SNTG1: variants seen among roughly 807,000 people sequenced by gnomAD.
SNTG1 encodes syntrophin gamma 1, also known as gamma-1-syntrophin.
In SNTG1, 39 loss-of-function variants were observed where a neutral mutation model predicts 74.7. The ratio of observed to expected loss-of-function variants is 0.52; its 90% confidence interval spans 0.40 to 0.68. The LOEUF is 0.68. Ranked by LOEUF, SNTG1 falls within the 30% of genes least tolerant of loss-of-function variation. The pLI, the probability that SNTG1 is intolerant of heterozygous loss-of-function variation, is 0.00. For synonymous variants in SNTG1, 254 were observed against 217.1 expected (o/e 1.17, Z -1.49); for missense variants, 685 against 609.5 (o/e 1.12, Z -1.30).
chr8:50,052,330 T>C lies in SNTG1; in HGVS notation c.-102-120231T>C, dbSNP rs529976765. On this transcript the variant is annotated intron_variant, in intron 1 of 18. Coordinates refer to ENST00000642720, the MANE Select transcript of SNTG1 (RefSeq NM_018967.5). ...GTGGCCAAGACAATTCATTAAGTAA[T>C]AGTATTTTTATCCAACGGCACAAGG... Among the ~76,000 whole-genome samples, 22 of 152,212 alleles carry C rather than the reference T, an allele frequency of 1.4e-4. No homozygotes were observed. The East Asian group carries it at 4.2e-3, about 29-fold the overall frequency.
intron 1 of SNTG1, among the ~76,000 whole-genome samples, chr8:50,148,101 C>CGT (rs1018215734): frequency 1.3e-5 from 2 of 151,872 alleles, no homozygotes; most frequent in South Asian, 4.2e-4. Flanking sequence ...CGTAACATAG[C>CGT]GTGTGTGTGT....
At chr8:50,600,075 C>T (rs576866275) in intron 13 of SNTG1, among the ~76,000 whole-genome samples, 7 of 152,102 alleles carry the variant, frequency 4.6e-5, no homozygotes, top group African/African-American at 1.7e-4. Flanking sequence ...GGTTGTTGTT[C>T]CTCATTCTGT....
chr8:50,013,985 A>G (rs750960437), intron 1 of SNTG1, among the ~76,000 whole-genome samples: 1 of 152,144 alleles, frequency 6.6e-6, no homozygotes, highest in Non-Finnish European at 1.5e-5. Flanking sequence ...TAAATAACCC[A>G]TTTTTGATCT....
At chr8:50,142,543 A>AT (rs1478041594) in intron 1 of SNTG1, among the ~76,000 whole-genome samples, 3 of 151,864 alleles carry the variant, frequency 2.0e-5, no homozygotes, top group East Asian at 3.9e-4. Flanking sequence ...GAATTTATTT[A>AT]TTTTTTAAGA....
intron 2 of SNTG1, among the ~76,000 whole-genome samples, chr8:50,232,150 T>G (rs1243189730): frequency 1.3e-5 from 2 of 151,208 alleles, no homozygotes; most frequent in African/African-American, 4.8e-5. Context: ...AAGGCAAAAA[T>G]AAATAAACTA....
intron 1 of SNTG1, among the ~76,000 whole-genome samples, chr8:50,139,773 G>A (rs1198050388): frequency 6.6e-6 from 1 of 152,194 alleles, no homozygotes; most frequent in Non-Finnish European, 1.5e-5. Flanking sequence ...TGTGCCCACT[G>A]TGCACATTCC....
chr8:50,172,040 A>T (rs1427257596), intron 1 of SNTG1, among the ~76,000 whole-genome samples: 4 of 152,240 alleles, frequency 2.6e-5, no homozygotes, highest in Non-Finnish European at 5.9e-5. Flanking sequence ...CTCTAAAATT[A>T]GCAATCTGTT....
intron 9 of SNTG1, among the ~76,000 whole-genome samples, chr8:50,511,993 G>A (rs2094081671): frequency 6.6e-6 from 1 of 151,742 alleles, no homozygotes; most frequent in Non-Finnish European, 1.5e-5. Context: ...GTTAGTTGAT[G>A]CAGTTTCTTC....
chr8:50,494,691 G>A (rs1032237800), intron 8 of SNTG1, among the ~76,000 whole-genome samples: 3 of 152,034 alleles, frequency 2.0e-5, no homozygotes, highest in South Asian at 2.1e-4. Flanking sequence ...CCATAGCCAC[G>A]TGAACTACCT....
chr8:50,759,988 T>G (rs930365922), intron 18 of SNTG1, among the ~76,000 whole-genome samples: 2 of 151,988 alleles, frequency 1.3e-5, no homozygotes, highest in African/African-American at 4.8e-5. Context: ...ATGGAATGTT[T>G]TCCCATTTGT....
intron 1 of SNTG1, among the ~76,000 whole-genome samples, chr8:49,982,779 C>T (rs1160311473): frequency 6.6e-6 from 1 of 151,896 alleles, no homozygotes; most frequent in Non-Finnish European, 1.5e-5. Flanking sequence ...TTTTAGAAAA[C>T]TAATCAAGTG....
At chr8:49,982,919 T>A (rs2130170419) in intron 1 of SNTG1, among the ~76,000 whole-genome samples, 1 of 152,296 alleles carries the variant, frequency 6.6e-6, no homozygotes. Context: ...CCAATTCAAT[T>A]GAGTTGTAAA....
intron 2 of SNTG1, among the ~76,000 whole-genome samples, chr8:50,369,492 A>G (rs951048095): frequency 2.0e-5 from 3 of 151,952 alleles, no homozygotes; most frequent in Non-Finnish European, 2.9e-5. Flanking sequence ...GCTACTTGGG[A>G]GGCTGAGGCA....
At chr8:50,473,243 G>A (rs1293353240) in intron 8 of SNTG1, among the ~76,000 whole-genome samples, 3 of 152,034 alleles carry the variant, frequency 2.0e-5, no homozygotes, top group African/African-American at 4.8e-5. Context: ...ATTTCATTTG[G>A]CACTTCTCCT....
chr8:50,763,111 C>CA (rs200985056), intron 18 of SNTG1, among the ~76,000 whole-genome samples: 2,514 of 152,010 alleles, frequency 0.017, 40 homozygotes, highest in Middle Eastern at 0.037. Context: ...GGTTTTTACT[C>CA]AGTGATTTCT....
chr8:50,769,513 A>G (rs1282900742), intron 18 of SNTG1, among the ~76,000 whole-genome samples: 1 of 152,032 alleles, frequency 6.6e-6, no homozygotes, highest in Non-Finnish European at 1.5e-5. Flanking sequence ...AAAAAACACC[A>G]TCATCATCAA....
At chr8:50,345,031 G>C (rs1489330733) in intron 2 of SNTG1, among the ~76,000 whole-genome samples, 1 of 152,156 alleles carries the variant, frequency 6.6e-6, no homozygotes, top group Non-Finnish European at 1.5e-5. Context: ...GGGAGGCCTT[G>C]ATAGAAACCA....
At chr8:50,735,662 G>T (rs1009913365) in intron 17 of SNTG1, among the ~76,000 whole-genome samples, 2 of 151,972 alleles carry the variant, frequency 1.3e-5, no homozygotes, top group Non-Finnish European at 2.9e-5. Context: ...GTACCAGAAA[G>T]TGATGGAGAG....
At chr8:49,939,910 G>A (rs560741910) in intron 1 of SNTG1, among the ~76,000 whole-genome samples, 41 of 151,928 alleles carry the variant, frequency 2.7e-4, no homozygotes, top group African/African-American at 9.4e-4. Context: ...ACTTAAAAAC[G>A]AAAAATGAGG....
Sources: gnomAD v4.1 joint callset for allele counts (sites outside exome capture counted in the v4.1 genomes callset) on GRCh38, gnomAD v4.1.1 for gene constraint, MANE v1.5 for transcripts, NCBI Gene and HGNC (gene_info 2026-07-23, HGNC 2026-07-21) for gene names.